FSTL5: variants seen among roughly 807,000 people sequenced by gnomAD.
FSTL5 encodes follistatin like 5, also known as follistatin-related protein 5.
In FSTL5, 62 loss-of-function variants were observed where a neutral mutation model predicts 89.1. The observed-to-expected ratio is 0.70, with a 90% confidence interval of 0.57 to 0.86. FSTL5 has a LOEUF of 0.86. FSTL5 is among the 40% of genes least tolerant of loss of function. The pLI, the probability that FSTL5 is intolerant of heterozygous loss-of-function variation, is 0.00. For missense variants in FSTL5, 1,057 were observed against 1,001.6 expected (o/e 1.06, Z -0.75); for synonymous variants, 383 against 346.2 (o/e 1.11, Z -1.18).
chr4:162,134,621 A>G (rs1732457283), intron 1 of FSTL5, among the ~76,000 whole-genome samples: 1 of 152,252 alleles, frequency 6.6e-6, no homozygotes, highest in Non-Finnish European at 1.5e-5. Context: ...TTTCTCATTT[A>G]GCTCATGGAG....
chr4:161,766,979 C>A (rs1321876353), intron 5 of FSTL5, among the ~76,000 whole-genome samples: 1 of 151,996 alleles, frequency 6.6e-6, no homozygotes, highest in Non-Finnish European at 1.5e-5. Context: ...GAATCTCAGG[C>A]CATTCGGTTA....
At chr4:161,825,844 T>C (rs1730651245) in intron 4 of FSTL5, among the ~76,000 whole-genome samples, 1 of 152,138 alleles carries the variant, frequency 6.6e-6, no homozygotes, top group Non-Finnish European at 1.5e-5. Flanking sequence ...GCCAGCTTTT[T>C]GTTTCATTTA....
intron 4 of FSTL5, among the ~76,000 whole-genome samples, chr4:161,854,273 T>C (rs555332873): frequency 3.3e-4 from 51 of 152,276 alleles, no homozygotes; most frequent in Non-Finnish European, 6.9e-4. Context: ...CGTTGCTCAA[T>C]AAAGTATATT....
chr4:161,410,440 A>G (rs542080461), intron 15 of FSTL5, among the ~76,000 whole-genome samples: 2 of 152,344 alleles, frequency 1.3e-5, no homozygotes, highest in East Asian at 1.9e-4. Flanking sequence ...GCATCTGTGC[A>G]TGGAACATAT....
intron 4 of FSTL5, among the ~76,000 whole-genome samples, chr4:161,806,452 T>G (rs1292580803): frequency 6.6e-6 from 1 of 152,020 alleles, no homozygotes; most frequent in Non-Finnish European, 1.5e-5. Flanking sequence ...TAAATGAAAA[T>G]TCATGGGATG....
At chr4:162,054,674 A>G (rs1328574034) in intron 2 of FSTL5, among the ~76,000 whole-genome samples, 3 of 151,888 alleles carry the variant, frequency 2.0e-5, no homozygotes, top group Admixed American at 6.6e-5. Flanking sequence ...ACTTCTAATC[A>G]TAAGTTCTTT....
rs111920076 is a variant in FSTL5 at position 162,095,836 on chromosome 4, T to A, written c.126+15435A>T. 2.4e-3 allele frequency among the ~76,000 whole-genome samples: 361 copies of A among 152,104 alleles called. 4 individuals carry two copies. The highest frequency in any genetic ancestry group is 6.8e-3 in the Middle Eastern group (2 of 294). On this transcript the variant is annotated intron_variant, in intron 2 of 15. Transcript: ENST00000306100. Reference sequence around the variant, plus strand: ...GATAGAAATATGCTTGCGGTAGAAATGTGTGTACTTAAAATACACACGTTA... The same window carrying A: ...GATAGAAATATGCTTGCGGTAGAAAAGTGTGTACTTAAAATACACACGTTA...
chr4:161,934,669 T>G (rs1734384879), intron 3 of FSTL5, among the ~76,000 whole-genome samples: 1 of 152,030 alleles, frequency 6.6e-6, no homozygotes, highest in African/African-American at 2.4e-5. Flanking sequence ...AAAATGGAGA[T>G]ATTAATAGAA....
At chr4:161,481,530 G>A (rs927456840) in intron 12 of FSTL5, among the ~76,000 whole-genome samples, 1 of 152,044 alleles carries the variant, frequency 6.6e-6, no homozygotes, top group Non-Finnish European at 1.5e-5. Flanking sequence ...TCACACTAAA[G>A]TATATTCCGA....
intron 3 of FSTL5, among the ~76,000 whole-genome samples, chr4:161,957,695 A>G (rs534160857): frequency 2.0e-5 from 3 of 152,154 alleles, no homozygotes; most frequent in African/African-American, 4.8e-5. Flanking sequence ...CAGAATCCTC[A>G]TTCTTCTTTT....
At chr4:161,788,570 A>G (rs772644063) in intron 4 of FSTL5, among the ~76,000 whole-genome samples, 39 of 152,300 alleles carry the variant, frequency 2.6e-4, no homozygotes, top group Admixed American at 1.1e-3. Flanking sequence ...GCGTTGAAGA[A>G]TTATTTAGTA....
chr4:161,617,188 C>T (rs1734904255), intron 7 of FSTL5, among the ~76,000 whole-genome samples: 1 of 151,476 alleles, frequency 6.6e-6, no homozygotes, highest in Non-Finnish European at 1.5e-5. Flanking sequence ...TATGTATAAA[C>T]ATATATAGCT....
intron 5 of FSTL5, among the ~76,000 whole-genome samples, chr4:161,770,596 T>C (rs1226791817): frequency 6.6e-6 from 1 of 151,952 alleles, no homozygotes; most frequent in Non-Finnish European, 1.5e-5. Flanking sequence ...ATATAACTAA[T>C]GAAAATATAT....
intron 4 of FSTL5, among the ~76,000 whole-genome samples, chr4:161,797,772 T>C (rs1401811809): frequency 6.6e-6 from 1 of 151,674 alleles, no homozygotes; most frequent in Non-Finnish European, 1.5e-5. Flanking sequence ...TTCGTTAATA[T>C]GATATTTTTG....
intron 8 of FSTL5, among the ~76,000 whole-genome samples, chr4:161,573,926 A>C (rs1733121867): frequency 6.6e-6 from 1 of 152,126 alleles, no homozygotes; most frequent in African/African-American, 2.4e-5. Flanking sequence ...CACTGAACTA[A>C]AGTCAAGGTG....
Position 161,757,739 on chromosome 4 carries a change from G to A in FSTL5, c.727+1672C>T, listed in dbSNP as rs573281625. Among the ~76,000 whole-genome samples, 359 of 151,820 alleles carry A rather than the reference G, an allele frequency of 2.4e-3. 2 individuals are homozygous for A. Among genetic ancestry groups the A allele is most frequent in the African/African-American group, 8.0e-3 (332 of 41,396 alleles). ...GTTCAACCGATTCTCCTGCCTCAGCGTCCCGAGTAGCTGGGATTACAGGCG... is the reference window on the plus strand; with the variant it reads ...GTTCAACCGATTCTCCTGCCTCAGCATCCCGAGTAGCTGGGATTACAGGCG... On this transcript the variant is annotated intron_variant, in intron 6 of 15. Coordinates refer to ENST00000306100, the MANE Select transcript of FSTL5 (RefSeq NM_020116.5).
Position 161,567,461 on chromosome 4 carries a change from A to C in FSTL5, c.1015+19994T>G, listed in dbSNP as rs150110131. Among the ~76,000 whole-genome samples the C allele has an allele frequency of 4.9e-3, 740 of 152,212 alleles. 7 individuals are homozygous for C. Among genetic ancestry groups the C allele is most frequent in the African/African-American group, 0.017 (709 of 41,544 alleles). On this transcript the variant is annotated intron_variant, in intron 8 of 15. Transcript: ENST00000306100. ...CTTGTTATACAAGTGTCATTACATTAATTAGTCATTATACTGTTTTTTAAG... is the reference window on the plus strand; with the variant it reads ...CTTGTTATACAAGTGTCATTACATTCATTAGTCATTATACTGTTTTTTAAG...
At chr4:161,979,200 TCTTTC>T (rs1735746872) in intron 3 of FSTL5, among the ~76,000 whole-genome samples, 1 of 152,182 alleles carries the variant, frequency 6.6e-6, no homozygotes, top group African/African-American at 2.4e-5. Context: ...TCTTTTGGAC[TCTTTC>T]CTTTCACCAT....
chr4:161,516,920 C>T (rs1730862467), intron 10 of FSTL5, among the ~76,000 whole-genome samples: 1 of 151,902 alleles, frequency 6.6e-6, no homozygotes, highest in Non-Finnish European at 1.5e-5. Flanking sequence ...TCCAGTAAGA[C>T]CCATGCTCTG....
Sources: allele counts gnomAD v4.1 joint callset (sites outside exome capture counted in the v4.1 genomes callset), GRCh38; gene constraint gnomAD v4.1.1; transcripts MANE v1.5; gene names NCBI Gene and HGNC (gene_info 2026-07-23, HGNC 2026-07-21).